The following CIMIP5 variants were observed in gnomAD, a reference collection of about 807,000 sequenced individuals.
CIMIP5 encodes the protein uncharacterized protein C2orf50.
chr2:11,147,294 C>T, the CIMIP5 span, among the ~76,000 whole-genome samples: 4 of 152,184 alleles, frequency 2.6e-5, no homozygotes, highest in Admixed American at 2.0e-4. Context: ...ATGCTGCCTT[C>T]CCCGCTCCAG....
the CIMIP5 span, chr2:11,133,656 T>C: frequency 1.4e-5 from 22 of 1,537,602 alleles, no homozygotes; most frequent in Non-Finnish European, 1.8e-5. Flanking sequence ...GGGAAGGTTT[T>C]GGAGAAAGGG....
At chr2:11,133,397 C>G in the CIMIP5 span, 66 of 1,612,100 alleles carry the variant, frequency 4.1e-5, no homozygotes, top group Non-Finnish European at 5.5e-5. Context: ...GATTGCCCCC[C>G]ACCAGGCCAC....
At chr2:11,143,670 G>T in the CIMIP5 span, among the ~76,000 whole-genome samples, 3 of 152,080 alleles carry the variant, frequency 2.0e-5, no homozygotes, top group African/African-American at 4.8e-5. Context: ...CTTGATCTCT[G>T]CAGGTCGCAG....
At chr2:11,147,566 A>G in the CIMIP5 span, among the ~76,000 whole-genome samples, 48 of 152,288 alleles carry the variant, frequency 3.2e-4, no homozygotes, top group Non-Finnish European at 7.4e-5. Context: ...ACTTCAGGTT[A>G]GGTTCAAGTT....
chr2:11,148,562 A>G, the CIMIP5 span, among the ~76,000 whole-genome samples: 3 of 152,136 alleles, frequency 2.0e-5, no homozygotes, highest in Admixed American at 6.6e-5. Flanking sequence ...AATTTGGGAC[A>G]ATATGAGCAT....
At chr2:11,133,716 C>T in the CIMIP5 span, 2 of 1,400,838 alleles carry the variant, frequency 1.4e-6, no homozygotes, top group African/African-American at 1.5e-5. Context: ...ATGGCATGCC[C>T]GGGGGAAGGT....
the CIMIP5 span, chr2:11,133,291 C>CTG: frequency 6.5e-7 from 1 of 1,541,930 alleles, no homozygotes; most frequent in Non-Finnish European, 8.6e-7. Context: ...GTCTCTCTCT[C>CTG]TCTCTCTCTG....
the CIMIP5 span, among the ~76,000 whole-genome samples, chr2:11,139,277 A>G: frequency 0.93 from 141,782 of 152,296 alleles, 66,080 homozygotes; most frequent in East Asian, 1. Flanking sequence ...CAAGAATGGC[A>G]TAATACAGCA....
chr2:11,148,766 G>A, the CIMIP5 span, among the ~76,000 whole-genome samples: 1 of 110,902 alleles, frequency 9.0e-6, no homozygotes, highest in African/African-American at 4.7e-5. Context: ...ATGAAGTCTC[G>A]CTCTCGTCCC....
At chr2:11,136,999 T>C in the CIMIP5 span, among the ~76,000 whole-genome samples, 1 of 152,166 alleles carries the variant, frequency 6.6e-6, no homozygotes, top group Non-Finnish European at 1.5e-5. Flanking sequence ...CAAAGAGGAA[T>C]GTGCAAGGCA....
the CIMIP5 span, among the ~76,000 whole-genome samples, chr2:11,142,447 A>C: frequency 3.7e-3 from 558 of 152,204 alleles, 2 homozygotes; most frequent in African/African-American, 0.013. Flanking sequence ...AATTCAGCTC[A>C]TGGGACCTGA....
chr2:11,141,530 C>T, the CIMIP5 span, among the ~76,000 whole-genome samples: 1 of 152,166 alleles, frequency 6.6e-6, no homozygotes, highest in Non-Finnish European at 1.5e-5. Flanking sequence ...CTTCAAGATC[C>T]TGCTCTAGTG....
the CIMIP5 span, chr2:11,145,522 C>T: frequency 2.0e-5 from 3 of 152,246 alleles, no homozygotes; most frequent in African/African-American, 2.4e-5. Context: ...GGTTAAAACA[C>T]AAATGGATTC....
the CIMIP5 span, among the ~76,000 whole-genome samples, chr2:11,153,606 C>T: frequency 6.6e-6 from 1 of 152,220 alleles, no homozygotes; most frequent in Non-Finnish European, 1.5e-5. Context: ...AGGAGGCACT[C>T]AACAGGTTCT....
the CIMIP5 span, among the ~76,000 whole-genome samples, chr2:11,151,502 C>T: frequency 4.6e-5 from 7 of 152,234 alleles, no homozygotes; most frequent in Non-Finnish European, 7.3e-5. Flanking sequence ...CCTAGACAGA[C>T]CCCATTTATC....
the CIMIP5 span, chr2:11,144,073 C>T: frequency 4.4e-5 from 70 of 1,599,100 alleles, no homozygotes; most frequent in East Asian, 1.8e-4. Flanking sequence ...AGAAGGGGCC[C>T]GGAAGAAGAA....
chr2:11,133,522 GCGA>G, the CIMIP5 span: 12 of 1,608,314 alleles, frequency 7.5e-6, no homozygotes, highest in Non-Finnish European at 1.0e-5. Context: ...GGAGCTGCCT[GCGA>G]TGGCGTGCAG....
chr2:11,147,571 C>G, the CIMIP5 span, among the ~76,000 whole-genome samples: 1 of 152,194 alleles, frequency 6.6e-6, no homozygotes, highest in East Asian at 1.9e-4. Context: ...AGGTTAGGTT[C>G]AAGTTTTTTG....
At chr2:11,144,411 G>T in the CIMIP5 span, 1 of 218,948 alleles carries the variant, frequency 4.6e-6, no homozygotes, top group African/African-American at 2.3e-5. Context: ...GAATGCCTGG[G>T]TTCAAATCCA....
Sources: gnomAD v4.1 joint callset for allele counts (sites outside exome capture counted in the v4.1 genomes callset) on GRCh38, gnomAD v4.1.1 for gene constraint, MANE v1.5 for transcripts, NCBI Gene and HGNC (gene_info 2026-07-23, HGNC 2026-07-21) for gene names.